ACSS3: variants seen among roughly 807,000 people sequenced by gnomAD.
The protein encoded by ACSS3 is acyl-CoA synthetase short chain family member 3.
In ACSS3, 64 loss-of-function variants were observed where a neutral mutation model predicts 84.2. That is an observed-to-expected ratio of 0.76 (90% CI 0.62 to 0.94). The LOEUF (loss-of-function observed/expected upper bound fraction) is 0.94. ACSS3 is among the 40% of genes least tolerant of loss of function. ACSS3 has a pLI of 0.00. For synonymous variants in ACSS3, 317 were observed against 310.1 expected, an observed-to-expected ratio of 1.02 and a Z score of -0.23; for missense variants, 815 against 867.6, an observed-to-expected ratio of 0.94 and a Z score of 0.76.
At chr12:81,097,571 T>C (rs1285409064) in intron 1 of ACSS3, among the ~76,000 whole-genome samples, 1 of 152,194 alleles carries the variant, frequency 6.6e-6, no homozygotes, top group East Asian at 1.9e-4. Flanking sequence ...CAAAACACTA[T>C]AAATGATCAC....
At chr12:81,245,865 G>T (rs1272583180) in intron 13 of ACSS3, among the ~76,000 whole-genome samples, 1 of 151,876 alleles carries the variant, frequency 6.6e-6, no homozygotes, top group African/African-American at 2.4e-5. Flanking sequence ...CTTCTTACTT[G>T]TAGTACCAAA....
At chr12:81,189,484 A>AT (rs996058907) in intron 8 of ACSS3, among the ~76,000 whole-genome samples, 5 of 152,030 alleles carry the variant, frequency 3.3e-5, no homozygotes, top group Non-Finnish European at 5.9e-5. Flanking sequence ...CCTTTTAATA[A>AT]TTTTTTGGCC....
At chr12:81,229,959 C>T (rs1000839250) in intron 11 of ACSS3, among the ~76,000 whole-genome samples, 1 of 151,792 alleles carries the variant, frequency 6.6e-6, no homozygotes, top group African/African-American at 2.4e-5. Context: ...AAATTCAGTG[C>T]CATGAAGTTC....
chr12:81,144,082 A>G (rs190171512), intron 5 of ACSS3, among the ~76,000 whole-genome samples: 1 of 152,294 alleles, frequency 6.6e-6, no homozygotes, highest in African/African-American at 2.4e-5. Context: ...TTACTGTTAG[A>G]TTGCTATAGC....
chr12:81,189,364 G>T (rs1349819079), intron 8 of ACSS3, among the ~76,000 whole-genome samples: 2 of 152,200 alleles, frequency 1.3e-5, no homozygotes, highest in South Asian at 2.1e-4. Context: ...ACCAGAACAT[G>T]ATATTTTCAG....
At chr12:81,190,110 G>A (rs1415098879) in intron 8 of ACSS3, among the ~76,000 whole-genome samples, 1 of 151,960 alleles carries the variant, frequency 6.6e-6, no homozygotes, top group African/African-American at 2.4e-5. Flanking sequence ...AATATATCAA[G>A]CTTATTCTTT....
At chr12:81,223,912 C>T (rs1030605465) in intron 11 of ACSS3, among the ~76,000 whole-genome samples, 33 of 151,932 alleles carry the variant, frequency 2.2e-4, no homozygotes, top group African/African-American at 7.0e-4. Context: ...TTCGATTGGC[C>T]AGGAATGTAT....
chr12:81,153,673 G>A (rs543519702), intron 7 of ACSS3, among the ~76,000 whole-genome samples: 181 of 152,282 alleles, frequency 1.2e-3, no homozygotes, highest in Non-Finnish European at 1.8e-3. Context: ...CAAGGATTGT[G>A]AAGTAAAGGG....
chr12:81,153,826 A>G (rs1304958427), intron 7 of ACSS3, among the ~76,000 whole-genome samples: 1 of 152,258 alleles, frequency 6.6e-6, no homozygotes, highest in Non-Finnish European at 1.5e-5. Flanking sequence ...ATCATCACTT[A>G]AAGGCTATTT....
chr12:81,159,875 G>C (rs1185161788), intron 7 of ACSS3, among the ~76,000 whole-genome samples: 2 of 152,200 alleles, frequency 1.3e-5, no homozygotes, highest in African/African-American at 4.8e-5. Flanking sequence ...TTACCAGACT[G>C]TCATCTGCAG....
intron 7 of ACSS3, among the ~76,000 whole-genome samples, chr12:81,155,185 C>T (rs1023627944): frequency 1.3e-5 from 2 of 152,188 alleles, no homozygotes; most frequent in African/African-American, 2.4e-5. Context: ...CTCTACTCCT[C>T]GTTTTCTTTC....
intron 8 of ACSS3, among the ~76,000 whole-genome samples, chr12:81,196,076 G>A (rs1039953446): frequency 6.6e-6 from 1 of 152,096 alleles, no homozygotes; most frequent in Non-Finnish European, 1.5e-5. Context: ...GCTGCATTCC[G>A]TGACACTTGC....
rs573872675 is a variant in ACSS3, at chr12:81,216,357, G to C, written c.1355-544G>C. On this transcript the variant is annotated intron_variant, in intron 9 of 15. Transcript: ENST00000548058. Reference sequence around the variant, plus strand: ...GGAGATATACCTAATGCTAAATGACGATATTATCCATATATTAAAAGTAAT... The same window carrying C: ...GGAGATATACCTAATGCTAAATGACCATATTATCCATATATTAAAAGTAAT... 3.7e-4 allele frequency among the ~76,000 whole-genome samples: 56 copies of C among 151,766 alleles called. No individual in the cohort carries two copies. The East Asian group carries it at 0.01, about 27-fold the overall frequency.
intron 9 of ACSS3, among the ~76,000 whole-genome samples, chr12:81,215,079 G>A (rs952108309): frequency 6.6e-6 from 1 of 152,126 alleles, no homozygotes; most frequent in Non-Finnish European, 1.5e-5. Flanking sequence ...TAGCTGAGGT[G>A]AGCACCTGGA....
At chr12:81,178,188 A>G (rs1298918223) in intron 8 of ACSS3, among the ~76,000 whole-genome samples, 2 of 150,894 alleles carry the variant, frequency 1.3e-5, no homozygotes, top group Non-Finnish European at 1.5e-5. Flanking sequence ...ATTGGAAATC[A>G]TCATTCTTAG....
chr12:81,231,197 T>A, intron 12 of ACSS3, 59 bp downstream of exon 12: 1 of 1,358,108 alleles, frequency 7.4e-7, no homozygotes. Context: ...TTCTTGCCTA[T>A]TAAATTGAGA....
intron 13 of ACSS3, among the ~76,000 whole-genome samples, chr12:81,239,425 G>A (rs1445547325): frequency 2.0e-5 from 3 of 151,960 alleles, no homozygotes; most frequent in Non-Finnish European, 4.4e-5. Flanking sequence ...AAATGAAGGT[G>A]TATTAGTCTG....
At chr12:81,097,757 A>C (rs1882171938) in intron 1 of ACSS3, among the ~76,000 whole-genome samples, 1 of 152,158 alleles carries the variant, frequency 6.6e-6, no homozygotes, top group African/African-American at 2.4e-5. Flanking sequence ...GGAAGGCATG[A>C]ACATTCTCAC....
chr12:81,217,212 T>C (rs1202151812), intron 10 of ACSS3, among the ~76,000 whole-genome samples: 1 of 152,164 alleles, frequency 6.6e-6, no homozygotes, highest in Non-Finnish European at 1.5e-5. Context: ...ACAAAAATAA[T>C]ATCATTAATA....
Sources: gnomAD v4.1 joint callset for allele counts (sites outside exome capture counted in the v4.1 genomes callset) on GRCh38, gnomAD v4.1.1 for gene constraint, MANE v1.5 for transcripts, NCBI Gene and HGNC (gene_info 2026-07-23, HGNC 2026-07-21) for gene names.